RNASEH1: variants seen among roughly 807,000 people sequenced by gnomAD.
RNASEH1 encodes ribonuclease H1.
RNASEH1 carries 27 observed loss-of-function variants against 34.6 expected under a neutral mutation model. That is an observed-to-expected ratio of 0.78 (90% confidence interval 0.58 to 1.08). The LOEUF is 1.08. Ranked by LOEUF, RNASEH1 falls within the 50% of genes least tolerant of loss-of-function variation. RNASEH1 has a pLI of 0.00. For synonymous variants in RNASEH1, 162 were observed against 138.4 expected, an observed-to-expected ratio of 1.17 and a Z score of -1.20; for missense variants, 349 against 373.6, an observed-to-expected ratio of 0.93 and a Z score of 0.54.
the RNASEH1 span, among the ~76,000 whole-genome samples, chr2:3,535,021 C>G: frequency 6.6e-6 from 1 of 152,174 alleles, no homozygotes. Context: ...CCAACACGAA[C>G]AGAGCTTCAG....
downstream of RNASEH1, among the ~76,000 whole-genome samples, chr2:3,540,156 T>C (rs1002627924): frequency 1.3e-5 from 2 of 152,200 alleles, no homozygotes; most frequent in African/African-American, 4.8e-5. Flanking sequence ...AAAGCTTATA[T>C]ATTCCACAAT....
chr2:3,553,247 CA>C (rs997242631), intron 2 of RNASEH1, among the ~76,000 whole-genome samples: 80 of 135,264 alleles, frequency 5.9e-4, no homozygotes, highest in East Asian at 6.9e-4. Context: ...GACTCTGTCT[CA>C]AAAAAAAAAA....
chr2:3,545,992 C>T, intron 7 of RNASEH1, 121 bp from the exon 8 acceptor site: 1 of 707,090 alleles, frequency 1.4e-6, no homozygotes, highest in Admixed American at 2.0e-5. Context: ...AACTTCAACG[C>T]TCCTCTCCCC....
chr2:3,556,289 C>T (rs532441011), intron 2 of RNASEH1, among the ~76,000 whole-genome samples: 3 of 151,460 alleles, frequency 2.0e-5, no homozygotes, highest in Admixed American at 1.3e-4. Context: ...GTAGCCCATC[C>T]AGTCCAATAA....
chr2:3,533,723 T>G, the RNASEH1 span: 42 of 152,046 alleles, frequency 2.8e-4, no homozygotes, highest in African/African-American at 8.9e-4. Context: ...CCCAAAGAAA[T>G]GGAAAGCAGG....
the RNASEH1 span, among the ~76,000 whole-genome samples, chr2:3,535,410 G>T: frequency 7.0e-6 from 1 of 142,270 alleles, no homozygotes; most frequent in African/African-American, 2.7e-5. Flanking sequence ...CTGCGTGACA[G>T]AGTGAGACTA....
intron 7 of RNASEH1, among the ~76,000 whole-genome samples, chr2:3,547,591 G>A (rs916494720): frequency 6.6e-5 from 10 of 151,686 alleles, no homozygotes; most frequent in African/African-American, 1.9e-4. Flanking sequence ...GGGTTCAAGT[G>A]ATTCTCCTGC....
At chr2:3,550,312 G>T in intron 4 of RNASEH1, 61 bp downstream of exon 4, 1 of 1,317,396 alleles carries the variant, frequency 7.6e-7, no homozygotes, top group Non-Finnish European at 1.1e-6. Context: ...AGCAGATCCC[G>T]CCTCATCTTT....
In RNASEH1 at chr2:3,545,562, A is replaced by T. The variant is rs1346774983; in HGVS notation, c.*223T>A. 5.4e-6 allele frequency: 3 copies of T among 558,006 alleles called. No individual in the cohort carries two copies. The African/African-American group carries it at 5.6e-5, about 10-fold the overall frequency. The allele number at this position is 558,006 out of a possible 1,614,324, so 34.6% of individuals were successfully genotyped here. On this transcript the variant is annotated 3_prime_UTR_variant, in exon 8 of 8. Coordinates refer to ENST00000315212, the MANE Select transcript of RNASEH1 (RefSeq NM_002936.6). Reference sequence around the variant, plus strand: ...TTGAACCCAGTAAACATAATGTGGAAATCTCACATAATTCTCCAATCTCAA... The same window carrying T: ...TTGAACCCAGTAAACATAATGTGGATATCTCACATAATTCTCCAATCTCAA...
At chr2:3,557,684 T>C in intron 1 of RNASEH1, 1 of 426,784 alleles carries the variant, frequency 2.3e-6, no homozygotes, top group Non-Finnish European at 4.8e-6. Context: ...CCTCCAAGGG[T>C]TGTTACAAGG....
At chr2:3,552,804 C>T (rs926288640) in intron 2 of RNASEH1, among the ~76,000 whole-genome samples, 1 of 151,866 alleles carries the variant, frequency 6.6e-6, no homozygotes, top group Admixed American at 6.6e-5. Flanking sequence ...GAATCCAACC[C>T]GGCCAACATA....
intron 1 of RNASEH1, chr2:3,557,561 T>TTC (rs1474625336): frequency 3.7e-6 from 1 of 272,918 alleles, no homozygotes; most frequent in Non-Finnish European, 7.3e-6. Flanking sequence ...GTGGGAAGAG[T>TTC]TCTGGTGGTA....
the RNASEH1 span, chr2:3,532,048 A>G: frequency 1.8e-6 from 1 of 569,930 alleles, no homozygotes; most frequent in African/African-American, 1.9e-5. Context: ...AGACAGCAAG[A>G]TTTCTCAAAT....
Position 3,545,052 on chromosome 2 carries a change from G to A in RNASEH1, c.*733C>T, listed in dbSNP as rs1011511264. ...GGCCTCCCAAAGTGCTAGGATTACA[G>A]AAGTGAGCCACTGTGCCCAGCCGGT... On this transcript the variant is annotated 3_prime_UTR_variant, in exon 8 of 8. Coordinates refer to ENST00000315212, the MANE Select transcript of RNASEH1 (RefSeq NM_002936.6). The A allele has an allele frequency of 1.3e-5, 2 of 150,216 alleles. No individual in the cohort carries two copies. The highest frequency in any genetic ancestry group is 3.0e-5 in the Non-Finnish European group (2 of 67,792). The allele number at this position is 150,216 out of a possible 1,614,324, so 9.3% of individuals were successfully genotyped here.
At chr2:3,549,990 C>A in intron 4 of RNASEH1, 1 of 162,526 alleles carries the variant, frequency 6.2e-6, no homozygotes, top group Non-Finnish European at 1.3e-5. Context: ...AAGAAAGAAA[C>A]ACCAAAGCCA....
At chr2:3,554,756 A>G (rs1338504640) in intron 2 of RNASEH1, among the ~76,000 whole-genome samples, 1 of 152,240 alleles carries the variant, frequency 6.6e-6, no homozygotes, top group Admixed American at 6.5e-5. Context: ...AAATTTGTGA[A>G]AAGGAAAACT....
chr2:3,538,962 C>T (rs79923958), downstream of RNASEH1, among the ~76,000 whole-genome samples: 20 of 152,188 alleles, frequency 1.3e-4, no homozygotes, highest in East Asian at 3.1e-3. Flanking sequence ...TGAGTAAAGC[C>T]GAGCATCTTT....
chr2:3,540,219 T>C (rs1005840334), downstream of RNASEH1, among the ~76,000 whole-genome samples: 3 of 152,164 alleles, frequency 2.0e-5, no homozygotes, highest in Admixed American at 2.0e-4. Flanking sequence ...TTGGAGCTGA[T>C]GAAGATGCAA....
chr2:3,542,287 C>T lies in RNASEH1; in HGVS notation c.*3498G>A, dbSNP rs542524867. Among the ~76,000 whole-genome samples, 1 of 152,310 alleles carries T rather than the reference C, an allele frequency of 6.6e-6. No homozygotes were observed. Among genetic ancestry groups the T allele is most frequent in the African/African-American group, 2.4e-5 (1 of 41,568 alleles). On this transcript the variant is annotated 3_prime_UTR_variant, in exon 8 of 8. Transcript: ENST00000315212. Reference sequence around the variant, plus strand: ...GGACAACCAATACCAACACATGACACATTCGAATAAAACGGCCGACTTGAC... The same window carrying T: ...GGACAACCAATACCAACACATGACATATTCGAATAAAACGGCCGACTTGAC...
Sources: allele counts gnomAD v4.1 joint callset (sites outside exome capture counted in the v4.1 genomes callset), GRCh38; gene constraint gnomAD v4.1.1; transcripts MANE v1.5; gene names NCBI Gene and HGNC (gene_info 2026-07-23, HGNC 2026-07-21).